Variants in STARD3 observed in about 807,000 individuals in gnomAD.
The protein encoded by STARD3 is stAR-related lipid transfer protein 3.
In STARD3, 39 loss-of-function variants were observed where a neutral mutation model predicts 62.0. That is an observed-to-expected ratio of 0.63 (90% confidence interval 0.49 to 0.82). The LOEUF (loss-of-function observed/expected upper bound fraction) is 0.82. STARD3 is among the 40% of genes least tolerant of loss of function. The pLI, the probability that STARD3 is intolerant of heterozygous loss-of-function variation, is 0.00. For missense variants in STARD3, 543 were observed against 584.5 expected, an observed-to-expected ratio of 0.93 and a Z score of 0.73; for synonymous variants, 229 against 242.4, an observed-to-expected ratio of 0.94 and a Z score of 0.51.
chr17:39,639,618 C>CT (rs2056965519), intron 1 of STARD3, among the ~76,000 whole-genome samples: 1 of 152,182 alleles, frequency 6.6e-6, no homozygotes, highest in Non-Finnish European at 1.5e-5. Context: ...ACAGAGGCAG[C>CT]GTCCTTTGCT....
intron 1 of STARD3, among the ~76,000 whole-genome samples, chr17:39,642,188 T>A (rs1049461510): frequency 1.3e-5 from 2 of 152,204 alleles, no homozygotes; most frequent in African/African-American, 4.8e-5. Context: ...TTGACCCCCA[T>A]AGCAAAAAAT....
At position 39,663,319 on chromosome 17, in the gene STARD3, A is replaced by T. The variant is rs1333277032; in HGVS notation, c.*411A>T. 8.3e-6 allele frequency: 3 copies of T among 362,880 alleles called. No homozygotes were observed. The highest frequency in any genetic ancestry group is 6.3e-5 in the African/African-American group (3 of 47,340). 22.5% of individuals were successfully genotyped at this position (362,880 alleles called of 1,614,324 possible). A position where few individuals can be genotyped will look rare whatever the true frequency, so the allele number is the denominator to read the frequency against. ...CTGCGCTCTCGTCGGTTTTTTTAGG[A>T]TTATTGAAAGAGTCTGGGACCCTTG... is the stretch of plus-strand genomic sequence containing the variant. On this transcript the variant is annotated 3_prime_UTR_variant, in exon 15 of 15. Transcript: ENST00000336308.
At chr17:39,646,092 A>G (rs1317535750) in intron 1 of STARD3, among the ~76,000 whole-genome samples, 1 of 151,440 alleles carries the variant, frequency 6.6e-6, no homozygotes, top group Non-Finnish European at 1.5e-5. Flanking sequence ...GGGTTTTGCC[A>G]TGTTGGCCAG....
chr17:39,643,226 G>A (rs928524550), intron 1 of STARD3, among the ~76,000 whole-genome samples: 14 of 152,150 alleles, frequency 9.2e-5, no homozygotes, highest in African/African-American at 3.4e-4. Flanking sequence ...ATGTGGAAGG[G>A]AGGTGTGACC....
In STARD3 at chr17:39,659,217, G is replaced by A. The variant is rs987836905; in HGVS notation, c.702+111G>A. ...GGTTTCCCAGTAGAGGCTGAACCTC[G>A]GGCAATGCCCATCCGAGTGTCTCCC... On this transcript the variant is annotated intron_variant, in intron 8 of 14. Transcript: ENST00000336308. The A allele has an allele frequency of 2.3e-5, 32 of 1,372,726 alleles. No homozygotes were observed. In the East Asian group the frequency reaches 2.5e-4, roughly 11 times the overall value. The allele number at this position is 1,372,726 out of a possible 1,614,324, so 85.0% of individuals were successfully genotyped here. A position where few individuals can be genotyped will look rare whatever the true frequency, so the allele number is the denominator to read the frequency against.
At chr17:39,662,057 G>T (rs2057205008) in intron 13 of STARD3, among the ~76,000 whole-genome samples, 194 bp from the exon 14 acceptor site, 1 of 152,188 alleles carries the variant, frequency 6.6e-6, no homozygotes, top group South Asian at 2.1e-4. Flanking sequence ...CACAGAGTGG[G>T]TGGGGGTGGA....
Position 39,653,766 on chromosome 17 carries a change from G to A in STARD3, c.219+16G>A, listed in dbSNP as rs1449356547. 1.2e-6 allele frequency: 2 copies of A among 1,613,566 alleles called. No individual in the cohort carries two copies. The highest frequency in any genetic ancestry group is 1.7e-6 in the Non-Finnish European group (2 of 1,179,968). On this transcript the variant is annotated intron_variant, in intron 2 of 14. Coordinates refer to ENST00000336308, the MANE Select transcript of STARD3 (RefSeq NM_006804.4). ...CGAACTGAATGTGAGTGGGGGCGAG[G>A]TGGGGGCACAGGCCATGTTGCAGGC...
At chr17:39,659,258 C>G in intron 8 of STARD3, 152 bp downstream of exon 8, 1 of 1,116,272 alleles carries the variant, frequency 9.0e-7, no homozygotes, top group Non-Finnish European at 1.3e-6. Context: ...ACCAGTCCGG[C>G]CCCCCTGGTC....
chr17:39,639,135 C>T (rs749889278), intron 1 of STARD3, among the ~76,000 whole-genome samples: 2 of 152,164 alleles, frequency 1.3e-5, no homozygotes, highest in African/African-American at 4.8e-5. Context: ...AAAGTTATTA[C>T]TATTATGTAA....
chr17:39,658,090 G>A, intron 5 of STARD3, 64 bp downstream of exon 5: 1 of 1,506,286 alleles, frequency 6.6e-7, no homozygotes, highest in South Asian at 1.2e-5. Flanking sequence ...CTTCTAGAGA[G>A]GAGCATTTCT....
intron 3 of STARD3, among the ~76,000 whole-genome samples, 199 bp downstream of exon 3, chr17:39,657,284 G>A (rs1300266563): frequency 6.6e-6 from 1 of 152,126 alleles, no homozygotes; most frequent in African/African-American, 2.4e-5. Context: ...CTAGCACCTT[G>A]GGAGGCTGAG....
chr17:39,642,260 G>T (rs1051380464), intron 1 of STARD3, among the ~76,000 whole-genome samples: 6 of 152,202 alleles, frequency 3.9e-5, no homozygotes, highest in Non-Finnish European at 8.8e-5. Flanking sequence ...AAGACTCAAG[G>T]TTAACTCACC....
chr17:39,660,172 C>T lies in STARD3; in HGVS notation c.796-39C>T, dbSNP rs1307011109. On this transcript the variant is annotated intron_variant, in intron 9 of 14. Coordinates refer to ENST00000336308, the MANE Select transcript of STARD3 (RefSeq NM_006804.4). The surrounding 1 kb of genome is among the most constrained non-coding windows in gnomAD (Gnocchi z 4.8). ...TCTGTGCCACCAGCCCACCCCCTGC[C>T]TCCACTCTCCTCCCTGCCACCTTCT... The T allele has an allele frequency of 9.3e-6, 15 of 1,611,412 alleles. No individual in the cohort carries two copies. The highest frequency in any genetic ancestry group is 1.2e-5 in the Non-Finnish European group (14 of 1,177,660).
rs531727347 is a variant in STARD3, at chr17:39,659,326, C to T, written c.703-135C>T. 2.9e-5 allele frequency: 30 copies of T among 1,022,740 alleles called. No individual in the cohort carries two copies. The South Asian group carries it at 3.8e-4, about 13-fold the overall frequency. The allele number at this position is 1,022,740 out of a possible 1,614,324, so 63.4% of individuals were successfully genotyped here. A position where few individuals can be genotyped will look rare whatever the true frequency, so the allele number is the denominator to read the frequency against. On this transcript the variant is annotated intron_variant, in intron 8 of 14. Coordinates refer to ENST00000336308, the MANE Select transcript of STARD3 (RefSeq NM_006804.4). ...CACAAGCCTGCAGGGCCCAGGGAGA[C>T]CAGCCCAGATCCCACATGTGGCTGG...
intron 6 of STARD3, 33 bp downstream of exon 6, chr17:39,658,555 G>A: frequency 6.2e-7 from 1 of 1,601,978 alleles, no homozygotes; most frequent in Non-Finnish European, 8.5e-7. Context: ...GTGCAGCGAG[G>A]GTTACCCACA....
chr17:39,661,923 C>T (rs1460088567), intron 13 of STARD3, among the ~76,000 whole-genome samples: 1 of 152,210 alleles, frequency 6.6e-6, no homozygotes, highest in Non-Finnish European at 1.5e-5. Context: ...GCCCAGCCTA[C>T]TCTGCCATAG....
chr17:39,654,853 T>C (rs2057112559), intron 2 of STARD3, among the ~76,000 whole-genome samples: 1 of 152,226 alleles, frequency 6.6e-6, no homozygotes. Flanking sequence ...AGGGGCCAGC[T>C]CCGGGCAAAG....
rs755347541 is a variant in STARD3, at chr17:39,661,021, C to T, written c.1075C>T (p.Arg359Ter). The change falls in exon 13 of 15, where the codon CGA becomes TGA. Residue 359 changes from arginine (R) to a stop codon, truncating the protein, a stop_gained. Transcript: ENST00000336308. LOFTEE classifies it high-confidence loss of function. Reference protein sequence around the residue: ...NVRRIERRRDRYLSSGIATSH... With the variant: ...NVRRIERRRD ...CCGGCGCATTGAGCGGCGCAGGGAC[C>T]GATACTTGTCATCAGGGATCGCCAC... 11 of 1,613,644 alleles carry T rather than the reference C, an allele frequency of 6.8e-6. No individual in the cohort carries two copies. Among genetic ancestry groups the T allele is most frequent in the African/African-American group, 6.7e-5 (5 of 74,886 alleles).
At chr17:39,646,833 A>C (rs1402288708) in intron 1 of STARD3, among the ~76,000 whole-genome samples, 1 of 152,102 alleles carries the variant, frequency 6.6e-6, no homozygotes, top group African/African-American at 2.4e-5. Flanking sequence ...CCTTTGCCTC[A>C]TGAATAATCC....
Sources: gnomAD v4.1 joint callset for allele counts (sites outside exome capture counted in the v4.1 genomes callset) on GRCh38, gnomAD v4.1.1 for gene constraint, Gnocchi (gnomAD v3.1) non-coding constraint, MANE v1.5 for transcripts, NCBI Gene and HGNC (gene_info 2026-07-23, HGNC 2026-07-21) for gene names.